EPHA7: variants seen among roughly 807,000 people sequenced by gnomAD.
EPHA7 encodes EPH receptor A7.
In EPHA7, 25 loss-of-function variants were observed where a neutral mutation model predicts 112.6. The observed-to-expected ratio is 0.22, with a 90% confidence interval of 0.16 to 0.31. EPHA7 has a LOEUF of 0.31. Ranked by LOEUF, EPHA7 falls within the 10% of genes least tolerant of loss-of-function variation. EPHA7 has a pLI of 1.00. For missense variants in EPHA7, 962 were observed against 1,212.6 expected, an observed-to-expected ratio of 0.79 and a Z score of 3.07; for synonymous variants, 437 against 406.5, an observed-to-expected ratio of 1.07 and a Z score of -0.90.
At chr6:93,408,512 A>G (rs1778823416) in intron 3 of EPHA7, among the ~76,000 whole-genome samples, 1 of 152,088 alleles carries the variant, frequency 6.6e-6, no homozygotes, top group Non-Finnish European at 1.5e-5. Flanking sequence ...TCAATTAGAA[A>G]TACTGCCAGT....
At chr6:93,313,692 AT>A (rs1773651392) in intron 5 of EPHA7, among the ~76,000 whole-genome samples, 1 of 152,054 alleles carries the variant, frequency 6.6e-6, no homozygotes, top group South Asian at 2.1e-4. Context: ...ATTTAAAAAA[AT>A]AAAAATAAGT....
At chr6:93,274,115 G>T (rs1324859039) in intron 5 of EPHA7, among the ~76,000 whole-genome samples, 1 of 151,918 alleles carries the variant, frequency 6.6e-6, no homozygotes, top group African/African-American at 2.4e-5. Flanking sequence ...TGTGCCATTT[G>T]AAAATAAGTT....
chr6:93,249,676 C>T (rs993086504), intron 14 of EPHA7, among the ~76,000 whole-genome samples: 1 of 152,138 alleles, frequency 6.6e-6, no homozygotes, highest in African/African-American at 2.4e-5. Flanking sequence ...ACCTATTTCC[C>T]TGCTTATAGC....
At chr6:93,300,818 AT>A (rs1772942290) in intron 5 of EPHA7, among the ~76,000 whole-genome samples, 7 of 152,216 alleles carry the variant, frequency 4.6e-5, no homozygotes. Flanking sequence ...TACATTCTGA[AT>A]AATGCATCAT....
At chr6:93,280,748 T>G (rs1430404718) in intron 5 of EPHA7, among the ~76,000 whole-genome samples, 1 of 152,276 alleles carries the variant, frequency 6.6e-6, no homozygotes, top group Admixed American at 6.5e-5. Flanking sequence ...ATAGAATTGT[T>G]ATGGAAATTA....
intron 14 of EPHA7, 138 bp downstream of exon 14, chr6:93,254,509 T>C: frequency 2.0e-6 from 1 of 507,748 alleles, no homozygotes; most frequent in Non-Finnish European, 3.2e-6. Flanking sequence ...TTATGGTAAT[T>C]AGTGTGGTAG....
At chr6:93,293,092 A>G (rs1772468141) in intron 5 of EPHA7, among the ~76,000 whole-genome samples, 1 of 152,030 alleles carries the variant, frequency 6.6e-6, no homozygotes, top group Non-Finnish European at 1.5e-5. Flanking sequence ...GATTTTTTAA[A>G]AATATTGACA....
intron 6 of EPHA7, among the ~76,000 whole-genome samples, chr6:93,271,670 G>C (rs1286612916): frequency 6.6e-6 from 1 of 151,802 alleles, no homozygotes; most frequent in Non-Finnish European, 1.5e-5. Context: ...AGTCATTATA[G>C]GTGGATTAAA....
intron 5 of EPHA7, among the ~76,000 whole-genome samples, chr6:93,347,335 A>G (rs187318201): frequency 1.3e-3 from 202 of 151,972 alleles, no homozygotes; most frequent in Admixed American, 4.7e-3. Flanking sequence ...GCTCTGTTAA[A>G]AAATAAAAAC....
rs1769753858 is a variant in EPHA7, at chr6:93,243,095, T to A, written c.*331A>T. 1 of 242,670 alleles carries A rather than the reference T, an allele frequency of 4.1e-6. No homozygotes were observed. The highest frequency in any genetic ancestry group is 2.2e-5 in the African/African-American group (1 of 45,594). The allele number at this position is 242,670 out of a possible 1,614,324, so 15.0% of individuals were successfully genotyped here. On this transcript the variant is annotated 3_prime_UTR_variant, in exon 17 of 17. Transcript: ENST00000369303. ...AGATCATGATTTTATTTGACAAATA[T>A]ATTCTTTCTTAAATTCTTTATGTAC... is the stretch of plus-strand genomic sequence containing the variant.
At position 93,411,182 on chromosome 6, in the gene EPHA7, G is replaced by A; in HGVS notation, c.163-12C>T. 1 of 1,585,044 alleles carries A rather than the reference G, an allele frequency of 6.3e-7. No individual in the cohort carries two copies. Among genetic ancestry groups the A allele is most frequent in the Admixed American group, 1.9e-5 (1 of 53,796 alleles). On this transcript the variant is annotated splice_polypyrimidine_tract_variant and intron_variant, in intron 2 of 16. Coordinates refer to ENST00000369303, the MANE Select transcript of EPHA7 (RefSeq NM_004440.4). ...CTAATTTCTTCCCACTGTAAAATTTGAAAAAAGGTCATCAGTCATTCAGCA... is the reference window on the plus strand; with the variant it reads ...CTAATTTCTTCCCACTGTAAAATTTAAAAAAAGGTCATCAGTCATTCAGCA...
chr6:93,328,566 A>C (rs1208634690), intron 5 of EPHA7, among the ~76,000 whole-genome samples: 3 of 151,450 alleles, frequency 2.0e-5, no homozygotes, highest in African/African-American at 7.3e-5. Flanking sequence ...GTCATACTTT[A>C]ATCATCTTTC....
intron 5 of EPHA7, among the ~76,000 whole-genome samples, chr6:93,287,968 T>C (rs1772155835): frequency 6.6e-6 from 1 of 152,192 alleles, no homozygotes; most frequent in Non-Finnish European, 1.5e-5. Context: ...AATAGAATTC[T>C]TTATACGTTG....
At chr6:93,401,084 T>A (rs1057196622) in intron 3 of EPHA7, among the ~76,000 whole-genome samples, 8 of 152,078 alleles carry the variant, frequency 5.3e-5, no homozygotes, top group African/African-American at 1.9e-4. Context: ...GGGGTTAAAC[T>A]AGGTGCTAAT....
chr6:93,378,510 A>C (rs549237396), intron 3 of EPHA7, among the ~76,000 whole-genome samples: 8 of 152,110 alleles, frequency 5.3e-5, no homozygotes, highest in Admixed American at 5.2e-4. Context: ...AATCTTTGAG[A>C]AGGGAAATCA....
chr6:93,385,341 T>C (rs1777546712), intron 3 of EPHA7, among the ~76,000 whole-genome samples: 1 of 152,132 alleles, frequency 6.6e-6, no homozygotes, highest in African/African-American at 2.4e-5. Flanking sequence ...TGTGTCTAAA[T>C]AATCCACCTC....
At chr6:93,371,786 A>G (rs1358801615) in intron 3 of EPHA7, among the ~76,000 whole-genome samples, 1 of 152,196 alleles carries the variant, frequency 6.6e-6, no homozygotes. Flanking sequence ...CATCTTCCTA[A>G]TTAATTAGTA....
chr6:93,363,386 G>C (rs1776350261), intron 3 of EPHA7, among the ~76,000 whole-genome samples: 1 of 152,062 alleles, frequency 6.6e-6, no homozygotes, highest in Non-Finnish European at 1.5e-5. Context: ...TCAAAAATAT[G>C]CAAGGAATCT....
chr6:93,341,129 C>CA (rs1490085064), intron 5 of EPHA7, among the ~76,000 whole-genome samples: 1 of 151,940 alleles, frequency 6.6e-6, no homozygotes. Flanking sequence ...TTCTGCAAAT[C>CA]AGACAATCTA....
Sources: allele counts gnomAD v4.1 joint callset (sites outside exome capture counted in the v4.1 genomes callset), GRCh38; gene constraint gnomAD v4.1.1; transcripts MANE v1.5; gene names NCBI Gene and HGNC (gene_info 2026-07-23, HGNC 2026-07-21).